CFAP20DC: variants seen among roughly 807,000 people sequenced by gnomAD.
CFAP20DC encodes the protein protein CFAP20DC.
CFAP20DC carries 84 observed loss-of-function variants against 101.7 expected under a neutral mutation model. The ratio of observed to expected loss-of-function variants is 0.83; its 90% CI spans 0.69 to 0.99. CFAP20DC has a LOEUF of 0.99. CFAP20DC is among the 50% of genes least tolerant of loss of function. The probability of loss-of-function intolerance (pLI) is 0.00; values close to 1 mark genes in which losing one functional copy is unlikely to be tolerated. For missense variants in CFAP20DC, 1,007 were observed against 970.3 expected, an observed-to-expected ratio of 1.04 and a Z score of -0.50; for synonymous variants, 359 against 351.2, an observed-to-expected ratio of 1.02 and a Z score of -0.25.
At chr3:59,024,912 G>A (rs1302981571) in intron 4 of CFAP20DC, among the ~76,000 whole-genome samples, 2 of 152,116 alleles carry the variant, frequency 1.3e-5, no homozygotes, top group East Asian at 3.9e-4. Context: ...TATCTACTTG[G>A]CACTGCCATA....
Position 58,864,860 on chromosome 3 carries a change from C to G in CFAP20DC, c.1259-968G>C, listed in dbSNP as rs2079545017. Among the ~76,000 whole-genome samples, 1 of 152,034 alleles carries G rather than the reference C, an allele frequency of 6.6e-6. No homozygotes were observed. The highest frequency in any genetic ancestry group is 1.5e-5 in the Non-Finnish European group (1 of 67,988). Reference sequence around the variant, plus strand: ...AGAGACAATGTTTTGATATAAAAACCTTTTAGCACATTATTGTTTTCTTTA... The same window carrying G: ...AGAGACAATGTTTTGATATAAAAACGTTTTAGCACATTATTGTTTTCTTTA... On this transcript the variant is annotated intron_variant, in intron 11 of 16. Transcript: ENST00000482387. The surrounding 1 kb of genome is among the most constrained non-coding windows in gnomAD (Gnocchi z 4.7).
At chr3:58,761,978 AGGTGT>A (rs1278359462) in intron 15 of CFAP20DC, among the ~76,000 whole-genome samples, 2 of 152,124 alleles carry the variant, frequency 1.3e-5, no homozygotes, top group African/African-American at 4.8e-5. Flanking sequence ...ATTTTGGAAT[AGGTGT>A]GGTGTGGTGC....
Position 58,847,518 on chromosome 3 carries a change from C to G in CFAP20DC, c.1971+1514G>C, listed in dbSNP as rs373992731. 1.8e-3 allele frequency among the ~76,000 whole-genome samples: 274 copies of G among 151,658 alleles called. 6 individuals carry two copies. The East Asian group carries it at 0.033, about 18-fold the overall frequency. ...CAATCATTAAAAAGTCAGGAAACAA[C>G]AGGTGCTGGAGAAGATGTGGAGAAA... On this transcript the variant is annotated intron_variant, in intron 13 of 16. Coordinates refer to ENST00000482387, the MANE Select transcript of CFAP20DC (RefSeq NM_001394063.1).
chr3:58,951,458 G>T (rs1432732000), intron 4 of CFAP20DC, among the ~76,000 whole-genome samples: 1 of 152,162 alleles, frequency 6.6e-6, no homozygotes, highest in East Asian at 1.9e-4. Flanking sequence ...ACATGCACAC[G>T]TATGTTTATT....
At chr3:58,919,505 A>C (rs1381604301) in intron 5 of CFAP20DC, among the ~76,000 whole-genome samples, 6 of 152,154 alleles carry the variant, frequency 3.9e-5, no homozygotes, top group Non-Finnish European at 7.4e-5. Flanking sequence ...TTTCCATATA[A>C]ATTTTAGAAT....
At chr3:59,005,930 T>G (rs865787395) in intron 4 of CFAP20DC, among the ~76,000 whole-genome samples, 2 of 152,154 alleles carry the variant, frequency 1.3e-5, no homozygotes, top group Admixed American at 6.6e-5. Context: ...TGGTTTTCAG[T>G]GACTCAAATC....
intron 6 of CFAP20DC, among the ~76,000 whole-genome samples, chr3:58,904,045 T>C (rs1305956595): frequency 6.6e-6 from 1 of 152,154 alleles, no homozygotes; most frequent in African/African-American, 2.4e-5. Context: ...AAAAAGCCCA[T>C]TGGAATTTTT....
At chr3:58,808,598 C>A (rs1314039825) in intron 14 of CFAP20DC, among the ~76,000 whole-genome samples, 1 of 152,160 alleles carries the variant, frequency 6.6e-6, no homozygotes, top group African/African-American at 2.4e-5. Flanking sequence ...CAGTACCAGC[C>A]ACTGCAAAAT....
intron 15 of CFAP20DC, among the ~76,000 whole-genome samples, chr3:58,779,704 C>A (rs554821265): frequency 6.6e-6 from 1 of 152,230 alleles, no homozygotes; most frequent in African/African-American, 2.4e-5. Context: ...ACATTCATGA[C>A]TTATAGGACA....
At chr3:58,808,929 AAC>A (rs925547269) in intron 14 of CFAP20DC, among the ~76,000 whole-genome samples, 10 of 152,138 alleles carry the variant, frequency 6.6e-5, no homozygotes, top group Non-Finnish European at 1.3e-4. Context: ...TCTCTGACAA[AAC>A]AGACTTTAAA....
chr3:58,843,890 A>G (rs1360627050), intron 13 of CFAP20DC, among the ~76,000 whole-genome samples: 1 of 105,210 alleles, frequency 9.5e-6, no homozygotes, highest in African/African-American at 3.9e-5. Flanking sequence ...TTTTCAACCC[A>G]GAATTTCATA....
At chr3:58,917,234 C>A (rs898387950) in intron 5 of CFAP20DC, among the ~76,000 whole-genome samples, 1 of 152,110 alleles carries the variant, frequency 6.6e-6, no homozygotes, top group Non-Finnish European at 1.5e-5. Flanking sequence ...TTTACTAACT[C>A]ATGTTTGGAA....
rs552686621 is a variant in CFAP20DC, at chr3:58,864,119, C to T, written c.1259-227G>A. On this transcript the variant is annotated intron_variant, in intron 11 of 16. Coordinates refer to ENST00000482387, the MANE Select transcript of CFAP20DC (RefSeq NM_001394063.1). This position sits in a 1 kb window ranked among gnomAD's most constrained non-coding sequence, Gnocchi z 4.7. The stretch of plus-strand genomic sequence containing the variant: ...GATTACAGGTGCACGCCATCATGCC[C>T]GGCTAATTTTTGTATTTTTAGTAGA... Among the ~76,000 whole-genome samples, 39 of 152,070 alleles carry T rather than the reference C, an allele frequency of 2.6e-4. No homozygotes were observed. Among genetic ancestry groups the T allele is most frequent in the Admixed American group, 6.5e-4 (10 of 15,278 alleles).
chr3:58,810,820 A>G (rs1343274650), intron 14 of CFAP20DC, among the ~76,000 whole-genome samples: 1 of 151,786 alleles, frequency 6.6e-6, no homozygotes, highest in East Asian at 1.9e-4. Flanking sequence ...GTCTCAGTCC[A>G]AAATCTCCTT....
intron 15 of CFAP20DC, among the ~76,000 whole-genome samples, chr3:58,800,375 G>C (rs1367130644): frequency 6.6e-6 from 1 of 152,212 alleles, no homozygotes; most frequent in East Asian, 1.9e-4. Context: ...CACTTGCTGA[G>C]TCTGGACATT....
Position 58,897,850 on chromosome 3 carries a change from T to C in CFAP20DC, c.551-13141A>G, listed in dbSNP as rs1334773621. On this transcript the variant is annotated intron_variant, in intron 6 of 16. Transcript: ENST00000482387. The surrounding 1 kb of genome is among the most constrained non-coding windows in gnomAD (Gnocchi z 4.4). Reference sequence around the variant, plus strand: ...TTGACCTTGGAGAATCTGACGATTATGTGCCTTGGCATTGATCGTCTCATG... The same window carrying C: ...TTGACCTTGGAGAATCTGACGATTACGTGCCTTGGCATTGATCGTCTCATG... 6.6e-6 allele frequency among the ~76,000 whole-genome samples: 1 copy of C among 152,196 alleles called. No homozygotes were observed. The highest frequency in any genetic ancestry group is 2.4e-5 in the African/African-American group (1 of 41,446).
In CFAP20DC at chr3:59,049,824, C is replaced by G; in HGVS notation, c.-193G>C. 2 of 638,524 alleles carry G rather than the reference C, an allele frequency of 3.1e-6. No homozygotes were observed. Among genetic ancestry groups the G allele is most frequent in the Admixed American group, 3.0e-5 (1 of 33,748 alleles). The allele number at this position is 638,524 out of a possible 1,614,324, so 39.6% of individuals were successfully genotyped here. On this transcript the variant is annotated 5_prime_UTR_variant, in exon 1 of 17. Coordinates refer to ENST00000482387, the MANE Select transcript of CFAP20DC (RefSeq NM_001394063.1). ...CCTGGTCAGCTCCATCTCCCGCCCTCCATCAGCACCATTGCGGCTCCAGCC... is the reference window on the plus strand; with the variant it reads ...CCTGGTCAGCTCCATCTCCCGCCCTGCATCAGCACCATTGCGGCTCCAGCC...
In CFAP20DC at chr3:58,724,730, C is replaced by A. The variant is rs577747425; in HGVS notation, c.198-7102G>T. On this transcript the variant is annotated intron_variant, in intron 3 of 3. Coordinates refer to the CFAP20DC transcript ENST00000486145. This position sits in a 1 kb window ranked among gnomAD's most constrained non-coding sequence, Gnocchi z 5.6. ...TTTGCAGCCTCCATTTTGCAACTGG[C>A]CCCCTGGCTCCCACCTTTATGAACT... Among the ~76,000 whole-genome samples the A allele has an allele frequency of 1.3e-5, 2 of 152,134 alleles. No individual in the cohort carries two copies. Among genetic ancestry groups the A allele is most frequent in the Non-Finnish European group, 2.9e-5 (2 of 68,038 alleles).
intron 15 of CFAP20DC, among the ~76,000 whole-genome samples, chr3:58,782,334 T>C (rs764878956): frequency 3.2e-4 from 49 of 151,964 alleles, no homozygotes; most frequent in Non-Finnish European, 5.6e-4. Context: ...TCATACTGAA[T>C]AGGGAAAAGC....
Sources: allele counts gnomAD v4.1 joint callset (sites outside exome capture counted in the v4.1 genomes callset), GRCh38; gene constraint gnomAD v4.1.1; non-coding constraint Gnocchi (gnomAD v3.1); transcripts MANE v1.5; gene names NCBI Gene and HGNC (gene_info 2026-07-23, HGNC 2026-07-21).